DAB1: variants seen among roughly 807,000 people sequenced by gnomAD.
The protein encoded by DAB1 is disabled homolog 1.
DAB1 carries 15 observed loss-of-function variants against 64.6 expected under a neutral mutation model. The ratio of observed to expected loss-of-function variants is 0.23; its 90% CI spans 0.16 to 0.36. The LOEUF is 0.36. DAB1 is among the 10% of genes least tolerant of loss of function. The pLI, the probability that DAB1 is intolerant of heterozygous loss-of-function variation, is 1.00. For synonymous variants in DAB1, 235 were observed against 251.9 expected (o/e 0.93, Z 0.64); for missense variants, 596 against 706.7 (o/e 0.84, Z 1.78).
chr1:57,531,064 G>A lies in DAB1; in HGVS notation n.625+118528C>T, dbSNP rs140960952. On this transcript the variant is annotated intron_variant and non_coding_transcript_variant, in intron 7 of 20. Coordinates refer to the DAB1 transcript ENST00000485760. Reference sequence around the variant, plus strand: ...AATCAAGTACCAGTGTCAAGCCTCCGAGCCCAAGCTAAGCCATCACATCCC... The same window carrying A: ...AATCAAGTACCAGTGTCAAGCCTCCAAGCCCAAGCTAAGCCATCACATCCC... Among the ~76,000 whole-genome samples the A allele has an allele frequency of 1.5e-3, 231 of 152,196 alleles. 3 individuals carry two copies. Among genetic ancestry groups the A allele is most frequent in the African/African-American group, 5.3e-3 (221 of 41,538 alleles).
chr1:58,397,052 G>A (rs933675584), intron 3 of DAB1, among the ~76,000 whole-genome samples: 2 of 148,244 alleles, frequency 1.3e-5, no homozygotes, highest in African/African-American at 5.0e-5. Flanking sequence ...GCGACGGAGC[G>A]AGACTCCGTC....
chr1:57,773,679 T>G (rs898219909), intron 6 of DAB1, among the ~76,000 whole-genome samples: 2 of 152,038 alleles, frequency 1.3e-5, no homozygotes, highest in African/African-American at 2.4e-5. Flanking sequence ...GTAATTTAAG[T>G]GTATGATATG....
chr1:57,792,247 C>A (rs1650636811), intron 6 of DAB1, among the ~76,000 whole-genome samples: 1 of 152,190 alleles, frequency 6.6e-6, no homozygotes, highest in Admixed American at 6.5e-5. Flanking sequence ...ATAGCTTGGA[C>A]AATGTGCAGG....
chr1:57,702,099 T>C (rs1646915116), intron 6 of DAB1, among the ~76,000 whole-genome samples: 1 of 152,178 alleles, frequency 6.6e-6, no homozygotes, highest in Non-Finnish European at 1.5e-5. Context: ...GATGGATTAG[T>C]TATTTATTCC....
chr1:57,505,544 G>T (rs1644334063), intron 7 of DAB1, among the ~76,000 whole-genome samples: 1 of 152,230 alleles, frequency 6.6e-6, no homozygotes, highest in Non-Finnish European at 1.5e-5. Flanking sequence ...GGATGGGGAT[G>T]TAAGTGCTTA....
chr1:57,225,261 C>G (rs975392772), intron 2 of DAB1, among the ~76,000 whole-genome samples: 1 of 152,164 alleles, frequency 6.6e-6, no homozygotes, highest in Admixed American at 6.5e-5. Context: ...TTTTGTGATA[C>G]ACAAGACTTG....
intron 11 of DAB1, among the ~76,000 whole-genome samples, chr1:57,016,874 C>T (rs979425855): frequency 6.6e-6 from 1 of 152,092 alleles, no homozygotes; most frequent in African/African-American, 2.4e-5. Context: ...CACGAAATCC[C>T]GGCAGGGTAG....
chr1:58,029,815 T>C (rs1646945612), intron 5 of DAB1, among the ~76,000 whole-genome samples: 1 of 152,128 alleles, frequency 6.6e-6, no homozygotes. Context: ...AAAAAGTAAG[T>C]GTAAATAAAA....
At chr1:58,006,616 T>C (rs941681550) in intron 5 of DAB1, among the ~76,000 whole-genome samples, 2 of 152,176 alleles carry the variant, frequency 1.3e-5, no homozygotes, top group Non-Finnish European at 1.5e-5. Flanking sequence ...CTGAAAAATA[T>C]GCTGACTCAG....
chr1:57,683,907 T>G (rs1175873930), intron 6 of DAB1, among the ~76,000 whole-genome samples: 1 of 152,084 alleles, frequency 6.6e-6, no homozygotes, highest in Non-Finnish European at 1.5e-5. Context: ...AAATCGCCAG[T>G]TTAGTAAACA....
chr1:58,282,404 C>T (rs925099087), intron 4 of DAB1, among the ~76,000 whole-genome samples: 1 of 152,174 alleles, frequency 6.6e-6, no homozygotes, highest in Non-Finnish European at 1.5e-5. Flanking sequence ...TAATGTGTTA[C>T]CATGTTTCAC....
intron 1 of DAB1, among the ~76,000 whole-genome samples, chr1:57,399,892 G>A (rs951639224): frequency 6.6e-6 from 1 of 152,182 alleles, no homozygotes; most frequent in Non-Finnish European, 1.5e-5. Context: ...GTAAATCTAA[G>A]GCATTGGGAG....
intron 5 of DAB1, among the ~76,000 whole-genome samples, chr1:58,027,663 C>T (rs186202406): frequency 6.6e-6 from 1 of 152,004 alleles, no homozygotes; most frequent in East Asian, 1.9e-4. Flanking sequence ...ATTTGTGTGA[C>T]TTTGAGCTAT....
chr1:58,471,795 T>C (rs1645362731), intron 3 of DAB1, among the ~76,000 whole-genome samples: 1 of 152,134 alleles, frequency 6.6e-6, no homozygotes, highest in Non-Finnish European at 1.5e-5. Context: ...TTTGCTCCCC[T>C]TTGCACTTCT....
intron 9 of DAB1, among the ~76,000 whole-genome samples, chr1:57,038,542 T>C (rs777094623): frequency 6.6e-6 from 1 of 152,316 alleles, no homozygotes; most frequent in South Asian, 2.1e-4. Flanking sequence ...TTTGTCTTTA[T>C]AATGATTGAG....
intron 5 of DAB1, among the ~76,000 whole-genome samples, chr1:58,064,375 A>T (rs1037381543): frequency 1.3e-4 from 20 of 152,188 alleles, no homozygotes; most frequent in Non-Finnish European, 2.9e-4. Flanking sequence ...CACCATGGAG[A>T]CCACGTTTTA....
At chr1:57,181,748 C>T (rs1159513819) in intron 2 of DAB1, among the ~76,000 whole-genome samples, 2 of 152,176 alleles carry the variant, frequency 1.3e-5, no homozygotes, top group Non-Finnish European at 2.9e-5. Flanking sequence ...GCTTTGAAGA[C>T]AGGCAAATGT....
Position 58,015,562 on chromosome 1 carries a change from T to C in DAB1, n.388-131400A>G, listed in dbSNP as rs558578239. ...GTCCTGAGCAGGGGCCCAGCATCCATGGCTTCTGTTGTTTTCTCCATGGAG... is the reference window on the plus strand; with the variant it reads ...GTCCTGAGCAGGGGCCCAGCATCCACGGCTTCTGTTGTTTTCTCCATGGAG... On this transcript the variant is annotated intron_variant and non_coding_transcript_variant, in intron 5 of 20. Transcript: ENST00000485760. Among the ~76,000 whole-genome samples, 3 of 152,300 alleles carry C rather than the reference T, an allele frequency of 2.0e-5. No homozygotes were observed. In the South Asian group the frequency reaches 6.2e-4, roughly 32 times the overall value.
chr1:57,838,462 A>G (rs1374126304), intron 1 of DAB1, among the ~76,000 whole-genome samples: 1 of 152,188 alleles, frequency 6.6e-6, no homozygotes, highest in East Asian at 1.9e-4. Context: ...AAGAACAGAA[A>G]AAAAAACTGG....
Sources: gnomAD v4.1 joint callset for allele counts (sites outside exome capture counted in the v4.1 genomes callset) on GRCh38, gnomAD v4.1.1 for gene constraint, MANE v1.5 for transcripts, NCBI Gene and HGNC (gene_info 2026-07-23, HGNC 2026-07-21) for gene names.